CRNKL1: variants seen among roughly 807,000 people sequenced by gnomAD.
The protein encoded by CRNKL1 is crooked neck pre-mRNA splicing factor 1.
In CRNKL1, 35 loss-of-function variants were observed where a neutral mutation model predicts 103.7. That is an observed-to-expected ratio of 0.34 (90% CI 0.26 to 0.45). CRNKL1 has a LOEUF of 0.45. CRNKL1 is among the 20% of genes least tolerant of loss of function. CRNKL1 has a pLI of 1.00. For synonymous variants in CRNKL1, 267 were observed against 282.6 expected (o/e 0.94, Z 0.55); for missense variants, 645 against 836.0 (o/e 0.77, Z 2.82).
Position 20,044,095 on chromosome 20 carries a change from A to G in CRNKL1, c.802-433T>C, listed in dbSNP as rs921485743. 3.3e-5 allele frequency among the ~76,000 whole-genome samples: 5 copies of G among 151,870 alleles called. No individual in the cohort carries two copies. The South Asian group carries it at 1.0e-3, about 32-fold the overall frequency. ...TCTTGCAACATGCCCTACCATTTCA[A>G]TCTCTTCCACACAGCCATTTGCTTC... On this transcript the variant is annotated intron_variant, in intron 6 of 13. Coordinates refer to ENST00000536226, the MANE Select transcript of CRNKL1 (RefSeq NM_001278628.2).
chr20:20,040,297 G>A (rs2146486990), intron 10 of CRNKL1, among the ~76,000 whole-genome samples: 1 of 147,040 alleles, frequency 6.8e-6, no homozygotes, highest in African/African-American at 2.5e-5. Flanking sequence ...GGGGAACAGA[G>A]CGAGACCCTG....
chr20:20,047,647 T>G, intron 5 of CRNKL1, 118 bp downstream of exon 5: 1 of 987,166 alleles, frequency 1.0e-6, no homozygotes, highest in Non-Finnish European at 1.4e-6. Flanking sequence ...TAAACTGGCA[T>G]TCTTGACTTT....
In CRNKL1 at chr20:20,037,436, C is replaced by G. The variant is rs779936681; in HGVS notation, c.1783G>C (p.Glu595Gln). The change falls in exon 13 of 14, where the codon GAA (glutamate) becomes CAA (glutamine). Residue 595 changes from glutamate to glutamine, a missense_variant. Glu to Gln is a conservative substitution (Grantham distance 29). Transcript: ENST00000536226. Reference sequence around the variant, plus strand: ...TCTTCTTCAAAACTTCGCCAAGATTCCAGCAGCATAAGTCTCTCTTCCTTT... The same window carrying G: ...TCTTCTTCAAAACTTCGCCAAGATTGCAGCAGCATAAGTCTCTCTTCCTTT... Reference protein sequence around the residue: ...EEKEERLMLLESWRSFEEEFG... With the variant: ...EEKEERLMLLQSWRSFEEEFG... 14 of 1,614,024 alleles carry G rather than the reference C, an allele frequency of 8.7e-6. No individual in the cohort carries two copies. The East Asian group carries it at 3.1e-4, about 36-fold the overall frequency.
At chr20:20,036,995 T>TACAA (rs1398249115) in intron 13 of CRNKL1, among the ~76,000 whole-genome samples, 1 of 152,232 alleles carries the variant, frequency 6.6e-6, no homozygotes, top group East Asian at 1.9e-4. Context: ...AAGCCTTCTC[T>TACAA]GGATAGGCTC....
At chr20:20,038,517 A>T in intron 11 of CRNKL1, 67 bp from the exon 12 acceptor site, 12 of 858,664 alleles carry the variant, frequency 1.4e-5, no homozygotes, top group Non-Finnish European at 2.3e-5. Context: ...TCCAAAGCAC[A>T]GCTGAAGTAT....
chr20:20,040,704 T>A lies in CRNKL1; in HGVS notation c.1287A>T (p.Ser429=). Residue 429 remains serine (S), a synonymous_variant, in exon 10 of 14, where the codon TCA becomes TCT. Transcript: ENST00000536226. Reference sequence around the variant, plus strand: ...TACTTACCAATGCTCTTCTGGCTAATGACAGATTCTTCTGTCGTATTTCAA... The same window carrying A: ...TACTTACCAATGCTCTTCTGGCTAAAGACAGATTCTTCTGTCGTATTTCAA... The part of the protein sequence containing the change: ...AQFEIRQKNL[S]LARRALGTSI... The A allele has an allele frequency of 1.2e-6, 2 of 1,610,632 alleles. No individual in the cohort carries two copies. The highest frequency in any genetic ancestry group is 1.7e-6 in the Non-Finnish European group (2 of 1,178,446).
upstream of CRNKL1, among the ~76,000 whole-genome samples, chr20:20,053,992 C>CTG (rs1375844245): frequency 3.4e-4 from 39 of 113,558 alleles, no homozygotes; most frequent in African/African-American, 1.3e-3. Flanking sequence ...CAGTTCATCT[C>CTG]TGTGTGTGTT....
intron 5 of CRNKL1, among the ~76,000 whole-genome samples, chr20:20,046,278 G>A (rs1030711829): frequency 6.6e-6 from 1 of 152,144 alleles, no homozygotes; most frequent in African/African-American, 2.4e-5. Flanking sequence ...ACACTGCAAG[G>A]ATGTTATGAG....
chr20:20,055,892 G>A, upstream of CRNKL1: 1 of 1,316,198 alleles, frequency 7.6e-7, no homozygotes, highest in Non-Finnish European at 1.1e-6. Flanking sequence ...AGAGAGAAGA[G>A]AGACTTACAG....
At chr20:20,051,051 G>C (rs1335134746) in intron 1 of CRNKL1, among the ~76,000 whole-genome samples, 1 of 152,148 alleles carries the variant, frequency 6.6e-6, no homozygotes, top group Non-Finnish European at 1.5e-5. Context: ...GGTTTTACAT[G>C]GCACTTCAAG....
At chr20:20,050,082 G>GTTGGGATT (rs1391615564) in intron 2 of CRNKL1, among the ~76,000 whole-genome samples, 3 of 152,214 alleles carry the variant, frequency 2.0e-5, no homozygotes, top group Admixed American at 2.0e-4. Flanking sequence ...CTCCCAAAGT[G>GTTGGGATT]TTGGGATTAC....
chr20:20,036,327 G>A lies in CRNKL1; in HGVS notation c.1932C>T (p.Ile644=). The A allele has an allele frequency of 6.2e-7, 1 of 1,614,178 alleles. No homozygotes were observed. Among genetic ancestry groups the A allele is most frequent in the South Asian group, 1.1e-5 (1 of 91,090 alleles). ...DAGWEEYFDY[I]FPEDAANQPN... ...GTTGGTTGGCAGCATCTTCTGGAAA[G>A]ATGTAATCAAAGTATTCTTCCCAGC... Residue 644 remains isoleucine (I), a synonymous_variant, in exon 14 of 14, where the codon ATC becomes ATT. Coordinates refer to ENST00000536226, the MANE Select transcript of CRNKL1 (RefSeq NM_001278628.2).
At chr20:20,052,503 A>G (rs1226451216), upstream of CRNKL1, 4 of 1,614,132 alleles carry the variant, frequency 2.5e-6, no homozygotes, top group African/African-American at 2.7e-5. Flanking sequence ...TTGAGCCGTG[A>G]CGGAGGCGGC....
At chr20:20,054,996 A>G (rs1292491927), upstream of CRNKL1, among the ~76,000 whole-genome samples, 1 of 152,056 alleles carries the variant, frequency 6.6e-6, no homozygotes, top group Non-Finnish European at 1.5e-5. Context: ...ATGTGTCTTT[A>G]CTGAATTCTG....
At chr20:20,051,173 G>C (rs1600257775) in intron 1 of CRNKL1, among the ~76,000 whole-genome samples, 1 of 152,204 alleles carries the variant, frequency 6.6e-6, no homozygotes, top group Non-Finnish European at 1.5e-5. Context: ...GTAGCTATGA[G>C]TCACATGTGG....
upstream of CRNKL1, chr20:20,052,767 C>T: frequency 6.5e-7 from 1 of 1,543,314 alleles, no homozygotes; most frequent in East Asian, 2.3e-5. Flanking sequence ...TGCTCGAGGG[C>T]GGGGGAAGAA....
At position 20,037,582 on chromosome 20, in the gene CRNKL1, AGTT is replaced by A. The variant is rs2043441402; in HGVS notation, c.1648-14_1648-12del. The A allele has an allele frequency of 1.9e-6, 3 of 1,608,412 alleles. No individual in the cohort carries two copies. Among genetic ancestry groups the A allele is most frequent in the South Asian group, 2.2e-5 (2 of 89,848 alleles). On this transcript the variant is annotated splice_polypyrimidine_tract_variant and intron_variant, in intron 12 of 13. Coordinates refer to ENST00000536226, the MANE Select transcript of CRNKL1 (RefSeq NM_001278628.2). ...AAAGCTGATCCATACCTTTAAAAAA[AGTT>A]ATTATTGAACCAAATTAACCATATC...
At chr20:20,048,539 C>T (rs892027682) in intron 3 of CRNKL1, 38 bp from the exon 4 acceptor site, 2 of 1,603,008 alleles carry the variant, frequency 1.2e-6, no homozygotes, top group Non-Finnish European at 1.7e-6. Flanking sequence ...AAAAATAGAG[C>T]ATTCAACACA....
intron 2 of CRNKL1, among the ~76,000 whole-genome samples, 186 bp downstream of exon 2, chr20:20,050,284 C>T (rs1024466572): frequency 6.6e-6 from 1 of 152,214 alleles, no homozygotes; most frequent in African/African-American, 2.4e-5. Flanking sequence ...TTTAACCAGA[C>T]AACTCATGGC....
Sources: gnomAD v4.1 joint callset for allele counts (sites outside exome capture counted in the v4.1 genomes callset) on GRCh38, gnomAD v4.1.1 for gene constraint, MANE v1.5 for transcripts, NCBI Gene and HGNC (gene_info 2026-07-23, HGNC 2026-07-21) for gene names.